The following CPS1 variants were observed in gnomAD, a reference collection of about 807,000 sequenced individuals.
The protein encoded by CPS1 is carbamoyl-phosphate synthase [ammonia], mitochondrial.
A neutral mutation model predicts 174.6 loss-of-function variants in CPS1; 109 were observed. The ratio of observed to expected loss-of-function variants is 0.62; its 90% confidence interval spans 0.53 to 0.73. The LOEUF is 0.73. Ranked by LOEUF, CPS1 falls within the 30% of genes least tolerant of loss-of-function variation. CPS1 has a pLI of 0.00. For missense variants in CPS1, 1,689 were observed against 1,821.9 expected, an observed-to-expected ratio of 0.93 and a Z score of 1.33; for synonymous variants, 637 against 632.0, an observed-to-expected ratio of 1.01 and a Z score of -0.12.
At chr2:210,529,907 T>C (rs746272573) in intron 1 of CPS1, among the ~76,000 whole-genome samples, 20 of 152,072 alleles carry the variant, frequency 1.3e-4, no homozygotes, top group Non-Finnish European at 1.9e-4. Flanking sequence ...ATGCTAGACA[T>C]TTTTAGTCAA....
intron 21 of CPS1, 128 bp downstream of exon 21, chr2:210,616,669 T>A: frequency 1.3e-6 from 1 of 740,830 alleles, no homozygotes; most frequent in Non-Finnish European, 2.4e-6. Context: ...TGTTGGAAAA[T>A]AGTACCCGTA....
chr2:210,511,657 CGTGATA>C (rs1695497712), intron 1 of CPS1, among the ~76,000 whole-genome samples: 2 of 152,008 alleles, frequency 1.3e-5, no homozygotes, highest in African/African-American at 4.8e-5. Context: ...GATAGGCTCA[CGTGATA>C]CTCCCGGTCA....
intron 21 of CPS1, among the ~76,000 whole-genome samples, chr2:210,627,101 C>T (rs560076042): frequency 2.4e-4 from 37 of 152,160 alleles, no homozygotes; most frequent in Non-Finnish European, 4.9e-4. Context: ...TCCTGCTTAG[C>T]GGTCAAGTTG....
Position 210,577,485 on chromosome 2 carries a change from T to TA in CPS1, c.447dup (p.Gly150ArgfsTer22), listed in dbSNP as rs764002191. The TA allele has an allele frequency of 1.9e-6, 3 of 1,613,770 alleles. No individual in the cohort carries two copies. The highest frequency in any genetic ancestry group is 2.5e-6 in the Non-Finnish European group (3 of 1,179,810). On this transcript the variant is annotated frameshift_variant, in exon 4 of 38. Transcript: ENST00000233072. LOFTEE classifies it high-confidence loss of function. ...AACCACTGGCTGGCTACCAAGAGTT[T>TA]AGGGCAATGGCTACAGGAAGAAAAG...
intron 21 of CPS1, among the ~76,000 whole-genome samples, chr2:210,627,031 C>A (rs1310607371): frequency 6.6e-6 from 1 of 152,124 alleles, no homozygotes; most frequent in Non-Finnish European, 1.5e-5. Context: ...TAGTCACTAA[C>A]CCTTTTCAAA....
At chr2:210,510,280 G>A (rs1406586281) in intron 1 of CPS1, among the ~76,000 whole-genome samples, 2 of 152,116 alleles carry the variant, frequency 1.3e-5, no homozygotes, top group Non-Finnish European at 2.9e-5. Flanking sequence ...AATGGGGAAA[G>A]GATTCCCTAT....
intron 21 of CPS1, among the ~76,000 whole-genome samples, chr2:210,627,764 CAA>C (rs1354401394): frequency 6.6e-6 from 1 of 152,144 alleles, no homozygotes; most frequent in Non-Finnish European, 1.5e-5. Context: ...GGAAAGAAAA[CAA>C]AGGGAGCTGA....
intron 33 of CPS1, among the ~76,000 whole-genome samples, chr2:210,667,851 T>G (rs1701151294): frequency 6.6e-6 from 1 of 152,208 alleles, no homozygotes; most frequent in Admixed American, 6.5e-5. Context: ...AAGCTGTGAT[T>G]TGTATCCAAA....
Position 210,675,844 on chromosome 2 carries a change from A to C in CPS1, c.4274+4A>C. 1.6e-6 allele frequency: 2 copies of C among 1,242,732 alleles called. No individual in the cohort carries two copies. The highest frequency in any genetic ancestry group is 2.4e-6 in the Non-Finnish European group (2 of 840,872). 77.0% of individuals were successfully genotyped at this position (1,242,732 alleles called of 1,614,324 possible). On this transcript the variant is annotated splice_donor_region_variant and intron_variant, in intron 36 of 37. Transcript: ENST00000233072. ...CCAGCCTCTCTTCCATCAGAAAGTA[A>C]GAACTAGGCATACTGTTTTCTGAAA...
chr2:210,576,617 C>T, intron 3 of CPS1, 127 bp downstream of exon 3: 1 of 985,614 alleles, frequency 1.0e-6, no homozygotes, highest in African/African-American at 1.6e-5. Context: ...CTCATGTATT[C>T]AATCTTATTC....
At chr2:210,641,834 T>G (rs755863128) in intron 24 of CPS1, among the ~76,000 whole-genome samples, 2 of 152,216 alleles carry the variant, frequency 1.3e-5, no homozygotes, top group Non-Finnish European at 2.9e-5. Context: ...TTAGTACAAG[T>G]CTGTGGACTT....
intron 1 of CPS1, among the ~76,000 whole-genome samples, chr2:210,479,510 G>A (rs1429145182): frequency 6.6e-6 from 1 of 152,044 alleles, no homozygotes; most frequent in Non-Finnish European, 1.5e-5. Context: ...TGTATTTTCA[G>A]TAGAGACGGG....
In CPS1 at chr2:210,602,369, A is replaced by C. The variant is rs778727266; in HGVS notation, c.1836+39A>C. 20 of 1,611,544 alleles carry C rather than the reference A, an allele frequency of 1.2e-5. No homozygotes were observed. The South Asian group carries it at 1.5e-4, about 12-fold the overall frequency. On this transcript the variant is annotated intron_variant, in intron 16 of 37. Transcript: ENST00000233072. ...TAGACAATATTCTTACCAACCAAAA[A>C]AACTGGCTTGATAGACCTTTTCAAC...
chr2:210,486,358 C>G (rs980977802), intron 1 of CPS1, among the ~76,000 whole-genome samples: 1 of 152,094 alleles, frequency 6.6e-6, no homozygotes, highest in Non-Finnish European at 1.5e-5. Flanking sequence ...TCTTTTCATT[C>G]TCTTAAATGT....
chr2:210,613,700 C>T (rs1348219222), intron 20 of CPS1, among the ~76,000 whole-genome samples: 1 of 151,838 alleles, frequency 6.6e-6, no homozygotes, highest in Non-Finnish European at 1.5e-5. Flanking sequence ...AAGTTCCCAG[C>T]TAAGCTGTAA....
At chr2:210,500,295 C>T (rs1337102800) in intron 1 of CPS1, among the ~76,000 whole-genome samples, 4 of 152,236 alleles carry the variant, frequency 2.6e-5, no homozygotes, top group African/African-American at 9.6e-5. Flanking sequence ...AATCTCATGT[C>T]CTCAAATTTC....
intron 7 of CPS1, among the ~76,000 whole-genome samples, chr2:210,589,465 T>C (rs181433193): frequency 2.0e-5 from 3 of 152,176 alleles, no homozygotes; most frequent in East Asian, 3.9e-4. Context: ...AAGGCAAGAC[T>C]GAAAAAGGTC....
At chr2:210,668,084 G>A in intron 33 of CPS1, 102 bp from the exon 34 acceptor site, 1 of 738,326 alleles carries the variant, frequency 1.4e-6, no homozygotes, top group Non-Finnish European at 2.4e-6. Context: ...GCATGTGTGT[G>A]TGTGTGTGTG....
At chr2:210,523,390 A>T (rs1055986310) in intron 1 of CPS1, among the ~76,000 whole-genome samples, 3 of 151,964 alleles carry the variant, frequency 2.0e-5, no homozygotes, top group East Asian at 1.9e-4. Flanking sequence ...TTTTGTATTA[A>T]TTTTTTTGCG....
Sources: allele counts gnomAD v4.1 joint callset (sites outside exome capture counted in the v4.1 genomes callset), GRCh38; gene constraint gnomAD v4.1.1; transcripts MANE v1.5; gene names NCBI Gene and HGNC (gene_info 2026-07-23, HGNC 2026-07-21).